The following C12orf42 variants were observed in gnomAD, a reference collection of about 807,000 sequenced individuals.
The protein encoded by C12orf42 is uncharacterized protein C12orf42.
A neutral mutation model predicts 21.6 loss-of-function variants in C12orf42; 25 were observed. The ratio of observed to expected loss-of-function variants is 1.16; its 90% CI spans 0.84 to 1.62. The LOEUF (loss-of-function observed/expected upper bound fraction) is 1.62. Among genes scored for constraint, C12orf42 ranks in the 40% most tolerant of loss-of-function variants. The pLI is 0.00. For missense variants in C12orf42, 483 were observed against 459.3 expected (o/e 1.05, Z -0.47); for synonymous variants, 174 against 175.0 (o/e 0.99, Z 0.05).
chr12:103,231,356 G>A, the C12orf42 span, among the ~76,000 whole-genome samples: 1 of 152,166 alleles, frequency 6.6e-6, no homozygotes, highest in African/African-American at 2.4e-5. Context: ...CCTCGGTGCT[G>A]TACATTCTAT....
In C12orf42 at chr12:103,401,637, G is replaced by T; in HGVS notation, c.117C>A (p.Thr39=). ...CACTGGGTGTGCTTCTATCCCACAG[G>T]GTGGCACTGCTCACAATGGGAATAT... is the stretch of plus-strand genomic sequence containing the variant. ...PCYIPIVSSA[T]LWDRSTPSAK... is the part of the protein sequence containing the mutation. Residue 39 remains threonine, a synonymous_variant, in exon 3 of 6, where the codon ACC becomes ACA. Coordinates refer to ENST00000548883, the MANE Select transcript of C12orf42 (RefSeq NM_198521.5). The T allele has an allele frequency of 6.2e-7, 1 of 1,613,870 alleles. No individual in the cohort carries two copies. The highest frequency in any genetic ancestry group is 2.2e-5 in the East Asian group (1 of 44,882).
At chr12:103,212,284 A>G in the C12orf42 span, among the ~76,000 whole-genome samples, 1 of 152,140 alleles carries the variant, frequency 6.6e-6, no homozygotes, top group African/African-American at 2.4e-5. Flanking sequence ...TCTCCTTTTC[A>G]CAGTTTGTTT....
chr12:103,387,822 T>C (rs931320861), intron 3 of C12orf42, among the ~76,000 whole-genome samples: 8 of 152,218 alleles, frequency 5.3e-5, no homozygotes, highest in African/African-American at 1.9e-4. Flanking sequence ...AAAACAAGAC[T>C]GCGCTCTGCC....
At chr12:103,530,079 T>C in the C12orf42 span, among the ~76,000 whole-genome samples, 1 of 152,234 alleles carries the variant, frequency 6.6e-6, no homozygotes, top group Non-Finnish European at 1.5e-5. Context: ...TACAAAGAAG[T>C]CTTCTCTTTA....
At chr12:103,455,646 T>C (rs1463584894) in intron 2 of C12orf42, among the ~76,000 whole-genome samples, 2 of 152,140 alleles carry the variant, frequency 1.3e-5, no homozygotes, top group African/African-American at 2.4e-5. Flanking sequence ...CTTTCATCGA[T>C]TTTACCTTAA....
intron 2 of C12orf42, among the ~76,000 whole-genome samples, chr12:103,408,277 A>G (rs907638376): frequency 6.6e-6 from 1 of 152,194 alleles, no homozygotes; most frequent in African/African-American, 2.4e-5. Flanking sequence ...ACCATGCATG[A>G]GACACAAGAG....
chr12:103,493,191 C>T (rs920660289), intron 1 of C12orf42, among the ~76,000 whole-genome samples: 2 of 152,148 alleles, frequency 1.3e-5, no homozygotes, highest in Non-Finnish European at 2.9e-5. Context: ...CCTTCAGTAG[C>T]TTCCTATTTC....
chr12:103,112,638 GC>G, the C12orf42 span, among the ~76,000 whole-genome samples: 2 of 152,132 alleles, frequency 1.3e-5, no homozygotes, highest in African/African-American at 4.8e-5. Flanking sequence ...TCCAGCCTGG[GC>G]AACAGAGTGA....
chr12:103,327,312 G>A (rs987841722), intron 4 of C12orf42, among the ~76,000 whole-genome samples: 1 of 152,122 alleles, frequency 6.6e-6, no homozygotes, highest in Non-Finnish European at 1.5e-5. Flanking sequence ...TCTGGGCATA[G>A]GGTTGCCAAA....
chr12:103,264,950 G>A (rs942517106), downstream of C12orf42, among the ~76,000 whole-genome samples: 1 of 152,048 alleles, frequency 6.6e-6, no homozygotes, highest in African/African-American at 2.4e-5. Flanking sequence ...ATAGCAAAGT[G>A]CTATATAGAG....
chr12:103,469,389 C>A lies in C12orf42; in HGVS notation c.78+8960G>T, dbSNP rs532374317. Among the ~76,000 whole-genome samples the A allele has an allele frequency of 7.2e-5, 11 of 152,266 alleles. 1 individual carries two copies. The highest frequency in any genetic ancestry group is 2.6e-4 in the African/African-American group (11 of 41,560). ...AAACAGAAAGACCTCCAAATGGGGA[C>A]AAAAGCACCAATAATTGTATCTAGA... is the stretch of plus-strand genomic sequence containing the variant. On this transcript the variant is annotated intron_variant, in intron 2 of 5. Transcript: ENST00000548883.
At position 103,425,655 on chromosome 12, in the gene C12orf42, G is replaced by A. The variant is rs373933860; in HGVS notation, c.79-23980C>T. Among the ~76,000 whole-genome samples, 8 of 152,274 alleles carry A rather than the reference G, an allele frequency of 5.3e-5. No homozygotes were observed. In the East Asian group the frequency reaches 1.5e-3, roughly 29 times the overall value. On this transcript the variant is annotated intron_variant, in intron 2 of 5. Coordinates refer to ENST00000548883, the MANE Select transcript of C12orf42 (RefSeq NM_198521.5). The stretch of plus-strand genomic sequence containing the variant: ...GAATAGCATCAACATCAACAAAAAA[G>A]GATGTCCACACCAAAACCCCATCCA...
intron 3 of C12orf42, among the ~76,000 whole-genome samples, chr12:103,394,129 A>G (rs1054836317): frequency 6.6e-6 from 1 of 152,226 alleles, no homozygotes; most frequent in Non-Finnish European, 1.5e-5. Flanking sequence ...ATGCCCAAAG[A>G]AGCACTTAGT....
At chr12:103,247,355 A>C (rs1435462778) in intron 10 of C12orf42, among the ~76,000 whole-genome samples, 1 of 151,960 alleles carries the variant, frequency 6.6e-6, no homozygotes, top group African/African-American at 2.4e-5. Flanking sequence ...TCTAGACCTC[A>C]TAAAACAGCA....
the C12orf42 span, among the ~76,000 whole-genome samples, chr12:103,224,541 T>C: frequency 1.3e-5 from 2 of 152,196 alleles, no homozygotes; most frequent in South Asian, 4.1e-4. Flanking sequence ...TCAGGTGTGG[T>C]ATCAGGAATA....
At chr12:103,463,937 G>C (rs1401247772) in intron 2 of C12orf42, among the ~76,000 whole-genome samples, 3 of 152,130 alleles carry the variant, frequency 2.0e-5, no homozygotes, top group African/African-American at 7.2e-5. Flanking sequence ...GTATTCCATG[G>C]TGTATATGTA....
At chr12:103,515,867 C>T in the C12orf42 span, among the ~76,000 whole-genome samples, 4 of 152,002 alleles carry the variant, frequency 2.6e-5, no homozygotes, top group African/African-American at 9.7e-5. Flanking sequence ...TTTTATAAGG[C>T]AAATAGGATT....
intron 2 of C12orf42, among the ~76,000 whole-genome samples, chr12:103,433,777 G>A (rs1413517874): frequency 6.6e-6 from 1 of 152,150 alleles, no homozygotes; most frequent in Non-Finnish European, 1.5e-5. Context: ...GTGCAAAAAT[G>A]AAATGTTTGA....
chr12:103,058,087 C>T, the C12orf42 span, among the ~76,000 whole-genome samples: 1 of 151,930 alleles, frequency 6.6e-6, no homozygotes, highest in Non-Finnish European at 1.5e-5. Context: ...TCCTGAGTAG[C>T]TGGGACTACA....
Sources: allele counts gnomAD v4.1 joint callset (sites outside exome capture counted in the v4.1 genomes callset), GRCh38; gene constraint gnomAD v4.1.1; transcripts MANE v1.5; gene names NCBI Gene and HGNC (gene_info 2026-07-23, HGNC 2026-07-21).